Variants in MYO5C observed in about 807,000 individuals in gnomAD.
The protein encoded by MYO5C is myosin VC.
Under a neutral mutation model 235.7 loss-of-function variants are expected in MYO5C, and 194 were observed. The ratio of observed to expected loss-of-function variants is 0.82; its 90% CI spans 0.73 to 0.93. The LOEUF is 0.93. Ranked by LOEUF, MYO5C falls within the 40% of genes least tolerant of loss-of-function variation. The probability of loss-of-function intolerance (pLI) is 0.00; values close to 1 mark genes in which losing one functional copy is unlikely to be tolerated. For synonymous variants in MYO5C, 707 were observed against 754.8 expected (o/e 0.94, Z 1.04); for missense variants, 2,038 against 2,127.2 (o/e 0.96, Z 0.82).
chr15:52,208,020 G>C (rs2035359840), intron 36 of MYO5C, among the ~76,000 whole-genome samples: 1 of 152,206 alleles, frequency 6.6e-6, no homozygotes, highest in African/African-American at 2.4e-5. Flanking sequence ...ATACACTGCT[G>C]GTGGGGCTGT....
intron 33 of MYO5C, among the ~76,000 whole-genome samples, chr15:52,214,029 G>A (rs1596146071): frequency 6.6e-6 from 1 of 152,214 alleles, no homozygotes; most frequent in East Asian, 1.9e-4. Flanking sequence ...AGCCTTGGCA[G>A]TAAGGCTGGG....
intron 12 of MYO5C, 31 bp from the exon 13 acceptor site, chr15:52,251,546 T>C (rs762224611): frequency 1.3e-6 from 2 of 1,569,212 alleles, no homozygotes; most frequent in South Asian, 2.4e-5. Flanking sequence ...AAATAGCAAG[T>C]AAGAAAACCA....
Position 52,235,685 on chromosome 15 carries a change from T to G in MYO5C, c.2947A>C (p.Thr983Pro). ...CAAGCTTTACCTTTTAACTCTTCAG[T>G]CTTCTCTTGAAGCTTCAGCTGTATT... The part of the protein sequence containing the change: ...EQIQLKLQEK[T>P]EELKEKMDNL... Residue 983 changes from threonine (T) to proline (P), a missense_variant, in exon 23 of 41, where the codon ACT (threonine) becomes CCT (proline). Coordinates refer to ENST00000261839, the MANE Select transcript of MYO5C (RefSeq NM_018728.4). 1 of 1,611,730 alleles carries G rather than the reference T, an allele frequency of 6.2e-7. No homozygotes were observed. Among genetic ancestry groups the G allele is most frequent in the Non-Finnish European group, 8.5e-7 (1 of 1,178,724 alleles).
At chr15:52,271,080 G>A (rs937557737) in intron 7 of MYO5C, among the ~76,000 whole-genome samples, 7 of 151,946 alleles carry the variant, frequency 4.6e-5, no homozygotes, top group Admixed American at 6.5e-5. Context: ...ATCAAGGAAG[G>A]TCAAATTATG....
rs747360917 is a variant in MYO5C at position 52,260,978 on chromosome 15, A to C, written c.1197T>G (p.Asp399Glu). Residue 399 changes from aspartate to glutamate, a missense_variant, in exon 10 of 41, where the codon GAT becomes GAG. Physicochemically the swap from Asp to Glu is conservative, Grantham distance 45. Coordinates refer to ENST00000261839, the MANE Select transcript of MYO5C (RefSeq NM_018728.4). ...GAGCATAGATCTTTTTGGCCAGTGC[A>C]TCCCTGGCGTTGACAGCCTGAGGCC... ...MTRPQAVNAR[D>E]ALAKKIYAHL... The C allele has an allele frequency of 6.2e-7, 1 of 1,614,194 alleles. No homozygotes were observed. Among genetic ancestry groups the C allele is most frequent in the South Asian group, 1.1e-5 (1 of 91,088 alleles).
At chr15:52,211,702 A>G in intron 35 of MYO5C, 28 bp downstream of exon 35, 1 of 1,607,400 alleles carries the variant, frequency 6.2e-7, no homozygotes, top group Admixed American at 1.7e-5. Flanking sequence ...ATGTGATACC[A>G]GGGGCCAATG....
At chr15:52,250,950 A>G (rs1195047042) in intron 13 of MYO5C, 1 of 152,530 alleles carries the variant, frequency 6.6e-6, no homozygotes, top group Non-Finnish European at 1.5e-5. Context: ...AAAAGAAGAC[A>G]CAAAAGATGA....
At chr15:52,196,506 A>T (rs1256408834) in intron 38 of MYO5C, 23 bp from the exon 39 acceptor site, 1 of 1,604,680 alleles carries the variant, frequency 6.2e-7, no homozygotes, top group Non-Finnish European at 8.5e-7. Context: ...GCAGAAGAAC[A>T]GAGAATACTT....
intron 1 of MYO5C, among the ~76,000 whole-genome samples, chr15:52,290,437 C>T (rs758936426): frequency 4.6e-5 from 7 of 152,018 alleles, no homozygotes; most frequent in African/African-American, 1.5e-4. Flanking sequence ...TCATTTTAGA[C>T]AGGGGCCCTG....
intron 28 of MYO5C, among the ~76,000 whole-genome samples, chr15:52,224,048 C>T (rs1238668578): frequency 2.6e-5 from 4 of 152,088 alleles, no homozygotes; most frequent in African/African-American, 7.2e-5. Flanking sequence ...TTTGGGAGGC[C>T]GAGGTGGGCG....
At chr15:52,259,084 C>T (rs1258821309) in intron 10 of MYO5C, among the ~76,000 whole-genome samples, 1 of 152,182 alleles carries the variant, frequency 6.6e-6, no homozygotes, top group African/African-American at 2.4e-5. Context: ...TCAACCACTG[C>T]CTCCAACACA....
intron 18 of MYO5C, 80 bp downstream of exon 18, chr15:52,245,274 C>G: frequency 3.0e-6 from 3 of 988,048 alleles, no homozygotes; most frequent in Non-Finnish European, 4.9e-6. Flanking sequence ...CCTGAGCATT[C>G]AAGACAAAGA....
intron 1 of MYO5C, among the ~76,000 whole-genome samples, chr15:52,295,293 A>G (rs942055357): frequency 1.3e-5 from 2 of 152,228 alleles, no homozygotes; most frequent in Non-Finnish European, 2.9e-5. Context: ...CTAGGCCCCG[A>G]GGCCGGAGCG....
At chr15:52,240,547 AG>A (rs67850611) in intron 20 of MYO5C, among the ~76,000 whole-genome samples, 13,370 of 142,936 alleles carry the variant, frequency 0.094, 1,122 homozygotes, top group East Asian at 0.24. Context: ...CTACAAAAAA[AG>A]AAAAAGAAGA....
chr15:52,231,269 C>T, intron 24 of MYO5C, among the ~76,000 whole-genome samples: 1 of 152,164 alleles, frequency 6.6e-6, no homozygotes. Flanking sequence ...GGGACTAAAC[C>T]AAGCTACAGA....
At position 52,275,657 on chromosome 15, in the gene MYO5C, C is replaced by A; in HGVS notation, c.511G>T (p.Ala171Ser). 1.2e-6 allele frequency: 2 copies of A among 1,614,190 alleles called. No individual in the cohort carries two copies. Among genetic ancestry groups the A allele is most frequent in the Non-Finnish European group, 8.5e-7 (1 of 1,180,032 alleles). ...GCAAAGTACCTCATGGCATAGCGAG[C>A]CGACACTGTCTTTCCAGCACCTGAC... ...GESGAGKTVS[A>S]RYAMRYFATV... Residue 171 changes from alanine (A) to serine (S), a missense_variant, in exon 5 of 41, where the codon GCT (alanine) becomes TCT (serine). Transcript: ENST00000261839.
At chr15:52,260,189 G>A (rs1215658256) in intron 10 of MYO5C, among the ~76,000 whole-genome samples, 1 of 152,214 alleles carries the variant, frequency 6.6e-6, no homozygotes, top group Non-Finnish European at 1.5e-5. Context: ...AGGAGGACCA[G>A]GCAGAGAGAA....
chr15:52,252,288 G>C (rs1426684880), intron 12 of MYO5C, among the ~76,000 whole-genome samples: 1 of 152,134 alleles, frequency 6.6e-6, no homozygotes, highest in African/African-American at 2.4e-5. Context: ...ACGGGTGAAT[G>C]GGAAAAGACT....
chr15:52,245,702 C>T (rs2036324624), intron 17 of MYO5C, among the ~76,000 whole-genome samples: 1 of 152,234 alleles, frequency 6.6e-6, no homozygotes, highest in Admixed American at 6.5e-5. Flanking sequence ...TTCCCTAGTA[C>T]ACGGGGGAGG....
Sources: gnomAD v4.1 joint callset for allele counts (sites outside exome capture counted in the v4.1 genomes callset) on GRCh38, gnomAD v4.1.1 for gene constraint, MANE v1.5 for transcripts, NCBI Gene and HGNC (gene_info 2026-07-23, HGNC 2026-07-21) for gene names.